The following CYTH3 variants were observed in gnomAD, a reference collection of about 807,000 sequenced individuals.
CYTH3 encodes the protein cytohesin 3.
In CYTH3, 23 loss-of-function variants were observed where a neutral mutation model predicts 55.1. The ratio of observed to expected loss-of-function variants is 0.42; its 90% confidence interval spans 0.30 to 0.59. The LOEUF is 0.59. CYTH3 is among the 20% of genes least tolerant of loss of function. The pLI is 0.20. For missense variants in CYTH3, 413 were observed against 524.8 expected, an observed-to-expected ratio of 0.79 and a Z score of 2.08; for synonymous variants, 249 against 194.9, an observed-to-expected ratio of 1.28 and a Z score of -2.31.
At chr7:6,231,825 G>A (rs1779397555) in intron 1 of CYTH3, among the ~76,000 whole-genome samples, 1 of 152,172 alleles carries the variant, frequency 6.6e-6, no homozygotes, top group African/African-American at 2.4e-5. Flanking sequence ...CCAAAGGGCA[G>A]GAGCTCAAAT....
At position 6,164,673 on chromosome 7, in the gene CYTH3, A is replaced by C. The variant is rs997868641; in HGVS notation, c.*271T>G. ...AAATGCTTCTGGACATGCGCAGCCG[A>C]CCATGACCCCAGCCACGGCAGGAGG... On this transcript the variant is annotated 3_prime_UTR_variant, in exon 13 of 13. Coordinates refer to ENST00000350796, the MANE Select transcript of CYTH3 (RefSeq NM_004227.4). 7 of 521,316 alleles carry C rather than the reference A, an allele frequency of 1.3e-5. No individual in the cohort carries two copies. The highest frequency in any genetic ancestry group is 2.1e-5 in the Non-Finnish European group (6 of 291,604). The allele number at this position is 521,316 out of a possible 1,614,324, so 32.3% of individuals were successfully genotyped here.
At chr7:6,260,556 T>C (rs1780327854) in intron 1 of CYTH3, among the ~76,000 whole-genome samples, 1 of 152,124 alleles carries the variant, frequency 6.6e-6, no homozygotes, top group Admixed American at 6.6e-5. Flanking sequence ...CCCACTCCAG[T>C]CTAGCTAGCT....
chr7:6,260,758 C>T (rs529274024), intron 1 of CYTH3, among the ~76,000 whole-genome samples: 21 of 152,246 alleles, frequency 1.4e-4, no homozygotes, highest in South Asian at 4.2e-4. Flanking sequence ...CTTTGCTGTG[C>T]TGTCCTCAGT....
At chr7:6,205,061 G>A (rs1784153131) in intron 1 of CYTH3, among the ~76,000 whole-genome samples, 1 of 151,878 alleles carries the variant, frequency 6.6e-6, no homozygotes, top group East Asian at 1.9e-4. Context: ...AGCTACTTGG[G>A]GGCTGAGGTA....
intron 1 of CYTH3, among the ~76,000 whole-genome samples, chr7:6,259,742 TA>T (rs1206627816): frequency 1.1e-3 from 42 of 39,954 alleles, no homozygotes; most frequent in South Asian, 4.3e-3. Context: ...TACATATATA[TA>T]ATATATATAT....
intron 1 of CYTH3, among the ~76,000 whole-genome samples, chr7:6,235,428 G>T (rs1053012577): frequency 6.8e-6 from 1 of 147,940 alleles, no homozygotes; most frequent in Non-Finnish European, 1.5e-5. Context: ...AGCCAAGATT[G>T]CACCACTGCA....
chr7:6,215,381 G>C (rs1268034482), intron 1 of CYTH3, among the ~76,000 whole-genome samples: 3 of 152,250 alleles, frequency 2.0e-5, no homozygotes, highest in South Asian at 2.1e-4. Flanking sequence ...ACGAGGTCAG[G>C]AGATCAAGAC....
At position 6,256,843 on chromosome 7, in the gene CYTH3, G is replaced by A. The variant is rs1780141109; in HGVS notation, c.34+15631C>T. ...CATCCATGTGGACTCTGCTCCCTCT[G>A]AGAGCTGTCATCAAGAGTGAAGCTG... On this transcript the variant is annotated intron_variant, in intron 1 of 12. Coordinates refer to ENST00000350796, the MANE Select transcript of CYTH3 (RefSeq NM_004227.4). Among the ~76,000 whole-genome samples the A allele has an allele frequency of 2.0e-5, 3 of 152,238 alleles. No individual in the cohort carries two copies. In the South Asian group the frequency reaches 6.2e-4, roughly 32 times the overall value.
intron 5 of CYTH3, among the ~76,000 whole-genome samples, chr7:6,176,526 G>A (rs974705547): frequency 5.9e-5 from 9 of 152,154 alleles, no homozygotes; most frequent in African/African-American, 1.7e-4. Flanking sequence ...CTCCCAAAGC[G>A]CTGGGATTAC....
intron 1 of CYTH3, among the ~76,000 whole-genome samples, chr7:6,206,347 CAGA>C (rs1042789025): frequency 3.3e-5 from 5 of 152,218 alleles, no homozygotes; most frequent in Non-Finnish European, 7.3e-5. Context: ...GAGCCAGCCA[CAGA>C]AGACCACATA....
In CYTH3 at chr7:6,208,144, G is replaced by A. The variant is rs114308685; in HGVS notation, c.35-17613C>T. On this transcript the variant is annotated intron_variant, in intron 1 of 12. Transcript: ENST00000350796. ...GTATACACATCTATCACTGGATAAG[G>A]TAGGTAAGAATTTTTGTACACTACA... is the stretch of plus-strand genomic sequence containing the variant. Among the ~76,000 whole-genome samples, 1,304 of 152,224 alleles carry A rather than the reference G, an allele frequency of 8.6e-3. 18 individuals carry two copies. The highest frequency in any genetic ancestry group is 0.03 in the African/African-American group (1,236 of 41,522).
chr7:6,192,031 G>T (rs1408097533), intron 1 of CYTH3, among the ~76,000 whole-genome samples: 2 of 151,984 alleles, frequency 1.3e-5, no homozygotes, highest in Non-Finnish European at 2.9e-5. Flanking sequence ...AGTGAGCTAT[G>T]ATCATGACTG....
chr7:6,178,656 G>A (rs974029015), intron 4 of CYTH3, among the ~76,000 whole-genome samples: 2 of 152,210 alleles, frequency 1.3e-5, no homozygotes, highest in Non-Finnish European at 2.9e-5. Context: ...CTGCTACACA[G>A]CTGTGTGAGA....
At chr7:6,225,212 T>C (rs948417814) in intron 1 of CYTH3, among the ~76,000 whole-genome samples, 1 of 152,206 alleles carries the variant, frequency 6.6e-6, no homozygotes, top group Non-Finnish European at 1.5e-5. Context: ...TACAATATTA[T>C]ATATATCATA....
At chr7:6,190,597 G>A (rs1583766034) in intron 1 of CYTH3, 66 bp from the exon 2 acceptor site, 2 of 1,279,210 alleles carry the variant, frequency 1.6e-6, no homozygotes, top group East Asian at 2.6e-5. Context: ...CAAGGTTGAG[G>A]TGGGTACATG....
rs559171034 is a variant in CYTH3, at chr7:6,264,894, C to G, written c.34+7580G>C. 1.4e-3 allele frequency among the ~76,000 whole-genome samples: 213 copies of G among 152,222 alleles called. 2 individuals are homozygous for G. Among genetic ancestry groups the G allele is most frequent in the Non-Finnish European group, 2.0e-3 (137 of 68,024 alleles). On this transcript the variant is annotated intron_variant, in intron 1 of 12. Coordinates refer to ENST00000350796, the MANE Select transcript of CYTH3 (RefSeq NM_004227.4). ...AGAAACAAATATGTAATAGGTAAGG[C>G]GTGACATGTGCTAAGGGAGAAAAAT... is the stretch of plus-strand genomic sequence containing the variant.
chr7:6,196,948 C>T (rs1285222791), intron 1 of CYTH3, among the ~76,000 whole-genome samples: 1 of 152,120 alleles, frequency 6.6e-6, no homozygotes, highest in Non-Finnish European at 1.5e-5. Flanking sequence ...AAGGGGAGAG[C>T]TTTAATTCAA....
At chr7:6,179,222 G>A (rs543213500) in intron 4 of CYTH3, among the ~76,000 whole-genome samples, 8 of 152,280 alleles carry the variant, frequency 5.3e-5, no homozygotes, top group Middle Eastern at 3.4e-3. Flanking sequence ...ACACTCACAA[G>A]AATGAATCTC....
intron 9 of CYTH3, among the ~76,000 whole-genome samples, chr7:6,168,185 CT>C (rs1783065580): frequency 1.3e-5 from 2 of 150,504 alleles, no homozygotes; most frequent in African/African-American, 4.9e-5. Flanking sequence ...CACACACTTT[CT>C]GTATGGCAGC....
Sources: allele counts gnomAD v4.1 joint callset (sites outside exome capture counted in the v4.1 genomes callset), GRCh38; gene constraint gnomAD v4.1.1; transcripts MANE v1.5; gene names NCBI Gene and HGNC (gene_info 2026-07-23, HGNC 2026-07-21).